Variants in B3GAT2 observed in about 807,000 individuals in gnomAD.
B3GAT2 encodes the protein beta-1,3-glucuronyltransferase 2.
In B3GAT2, 26 loss-of-function variants were observed where a neutral mutation model predicts 27.8. The ratio of observed to expected loss-of-function variants is 0.93; its 90% CI spans 0.68 to 1.30. The LOEUF (loss-of-function observed/expected upper bound fraction) is 1.30. Among genes scored for constraint, B3GAT2 ranks in the 50% most tolerant of loss-of-function variants. The pLI is 0.00. For synonymous variants in B3GAT2, 218 were observed against 195.1 expected (o/e 1.12, Z -0.98); for missense variants, 458 against 459.0 (o/e 1.00, Z 0.02).
chr6:70,880,869 T>C (rs1772089907), intron 2 of B3GAT2, among the ~76,000 whole-genome samples: 1 of 152,152 alleles, frequency 6.6e-6, no homozygotes, highest in South Asian at 2.1e-4. Context: ...TTTTACCATG[T>C]TGGCCAGGCT....
chr6:70,946,930 C>G (rs1226282320), intron 1 of B3GAT2, among the ~76,000 whole-genome samples: 2 of 152,162 alleles, frequency 1.3e-5, no homozygotes, highest in South Asian at 4.1e-4. Flanking sequence ...AAGAAACTTA[C>G]TCAAAACTGC....
chr6:70,880,566 T>C (rs1772085558), intron 2 of B3GAT2, among the ~76,000 whole-genome samples: 1 of 150,964 alleles, frequency 6.6e-6, no homozygotes, highest in Non-Finnish European at 1.5e-5. Flanking sequence ...GGCATGACTA[T>C]AGCCTCGAAT....
At position 70,894,208 on chromosome 6, in the gene B3GAT2, C is replaced by T. The variant is rs757375740; in HGVS notation, c.656G>A (p.Arg219His). 9.3e-6 allele frequency: 15 copies of T among 1,613,736 alleles called. No homozygotes were observed. The highest frequency in any genetic ancestry group is 1.3e-5 in the African/African-American group (1 of 74,922). Reference protein sequence around the residue: ...VGLVGGRRYERPLVENGKVVG... With the variant: ...VGLVGGRRYEHPLVENGKVVG... Reference sequence around the variant, plus strand: ...AACTTTGCCGTTTTCCACCAGCGGACGTTCGTAGCGCCGCCCACCAACCAG... The same window carrying T: ...AACTTTGCCGTTTTCCACCAGCGGATGTTCGTAGCGCCGCCCACCAACCAG... The change falls in exon 2 of 4, where the codon CGT becomes CAT. Residue 219 changes from arginine (R) to histidine (H), a missense_variant. Arg to His is a conservative substitution (Grantham distance 29). Coordinates refer to ENST00000230053, the MANE Select transcript of B3GAT2 (RefSeq NM_080742.3).
At chr6:70,894,084 A>C in intron 2 of B3GAT2, 44 bp downstream of exon 2, 2 of 1,516,784 alleles carry the variant, frequency 1.3e-6, no homozygotes, top group Non-Finnish European at 1.8e-6. Context: ...CAAGAGCATA[A>C]GAACAGTCCA....
chr6:70,857,066 C>T lies in B3GAT2; in HGVS notation c.*4597G>A, dbSNP rs998587608. 7.7e-6 allele frequency: 12 copies of T among 1,551,188 alleles called. No individual in the cohort carries two copies. Among genetic ancestry groups the T allele is most frequent in the African/African-American group, 4.1e-5 (3 of 73,188 alleles). ...TTGATATCTGCTTTCAGTGACATTA[C>T]TAGAAGTACATCCTTTGTAATTATA... On this transcript the variant is annotated 3_prime_UTR_variant, in exon 4 of 4. Coordinates refer to ENST00000230053, the MANE Select transcript of B3GAT2 (RefSeq NM_080742.3).
At chr6:70,943,397 C>T (rs532013101) in intron 1 of B3GAT2, among the ~76,000 whole-genome samples, 1 of 152,318 alleles carries the variant, frequency 6.6e-6, no homozygotes, top group African/African-American at 2.4e-5. Context: ...CCATCTCAGC[C>T]ACATTGGCTT....
In B3GAT2 at chr6:70,860,325, G is replaced by A. The variant is rs1232385652; in HGVS notation, c.*1338C>T. 1 of 1,606,212 alleles carries A rather than the reference G, an allele frequency of 6.2e-7. No homozygotes were observed. The highest frequency in any genetic ancestry group is 1.7e-5 in the Admixed American group (1 of 57,774). ...CAGGTCAGACTCTCAGCACACAACTGTGGAAATGAAAACTGCAATACAAGT... is the reference window on the plus strand; with the variant it reads ...CAGGTCAGACTCTCAGCACACAACTATGGAAATGAAAACTGCAATACAAGT... On this transcript the variant is annotated 3_prime_UTR_variant, in exon 4 of 4. Transcript: ENST00000230053.
intron 1 of B3GAT2, among the ~76,000 whole-genome samples, chr6:70,939,427 G>T (rs1765350362): frequency 6.6e-6 from 1 of 150,682 alleles, no homozygotes; most frequent in African/African-American, 2.5e-5. Flanking sequence ...AAATCATGCT[G>T]CTATAAAGAC....
chr6:70,935,324 T>A (rs1773126839), intron 1 of B3GAT2, among the ~76,000 whole-genome samples: 1 of 151,974 alleles, frequency 6.6e-6, no homozygotes, highest in African/African-American at 2.4e-5. Flanking sequence ...TATGGTGGCA[T>A]GTGCCTGTAG....
rs1350677261 is a variant in B3GAT2, at chr6:70,956,318, G to T, written c.112C>A (p.Pro38Thr). Residue 38 changes from proline to threonine, a missense_variant, in exon 1 of 4, where the codon CCC becomes ACC. Transcript: ENST00000230053. Reference protein sequence around the residue: ...RRPVPPLTPRPYFSPYAVGRG... With the variant: ...RRPVPPLTPRTYFSPYAVGRG... Reference sequence around the variant, plus strand: ...CCCACCGCGTAGGGAGAGAAGTAGGGGCGCGGGGTGAGCGGGGGCACTGGC... The same window carrying T: ...CCCACCGCGTAGGGAGAGAAGTAGGTGCGCGGGGTGAGCGGGGGCACTGGC... 1 of 1,590,146 alleles carries T rather than the reference G, an allele frequency of 6.3e-7. No homozygotes were observed. Among genetic ancestry groups the T allele is most frequent in the Non-Finnish European group, 8.6e-7 (1 of 1,167,822 alleles).
At position 70,956,800 on chromosome 6, in the gene B3GAT2, C is replaced by G; in HGVS notation, c.-371G>C. 9.2e-7 allele frequency: 1 copy of G among 1,081,100 alleles called. No individual in the cohort carries two copies. Among genetic ancestry groups the G allele is most frequent in the Non-Finnish European group, 1.1e-6 (1 of 891,094 alleles). The allele number at this position is 1,081,100 out of a possible 1,614,324, so 67.0% of individuals were successfully genotyped here. On this transcript the variant is annotated 5_prime_UTR_variant, in exon 1 of 4. Transcript: ENST00000230053. ...CTGAAGAGTGGAAGCCGAGAAGCGG[C>G]ACCCGGTGCGCCTCGCCGCTCCAGT...
chr6:70,935,400 G>C (rs1287742205), intron 1 of B3GAT2, among the ~76,000 whole-genome samples: 5 of 152,252 alleles, frequency 3.3e-5, no homozygotes, highest in Non-Finnish European at 7.4e-5. Context: ...GCTGCAGTAA[G>C]CTGTGATCGC....
At chr6:70,934,558 A>G (rs1773111803) in intron 1 of B3GAT2, among the ~76,000 whole-genome samples, 1 of 152,204 alleles carries the variant, frequency 6.6e-6, no homozygotes, top group South Asian at 2.1e-4. Context: ...CCTTTGGGGC[A>G]ACCAGAGGTT....
intron 2 of B3GAT2, among the ~76,000 whole-genome samples, chr6:70,884,619 T>C (rs901435268): frequency 3.9e-5 from 6 of 152,122 alleles, no homozygotes; most frequent in Non-Finnish European, 7.4e-5. Flanking sequence ...GAAAGGGGCA[T>C]CCACGTGTGA....
At chr6:70,865,248 T>C (rs1582337410) in intron 2 of B3GAT2, among the ~76,000 whole-genome samples, 1 of 152,210 alleles carries the variant, frequency 6.6e-6, no homozygotes, top group Middle Eastern at 3.4e-3. Flanking sequence ...TGCCTCAGCC[T>C]CCCGAGTAGC....
At position 70,860,785 on chromosome 6, in the gene B3GAT2, C is replaced by A; in HGVS notation, c.*878G>T. The stretch of plus-strand genomic sequence containing the variant: ...AATAGAATGTAAATGTCTCACTGAG[C>A]ACTGTTTTCTAGTGTATCAAAATGC... On this transcript the variant is annotated 3_prime_UTR_variant, in exon 4 of 4. Transcript: ENST00000230053. 1 of 399,072 alleles carries A rather than the reference C, an allele frequency of 2.5e-6. No individual in the cohort carries two copies. Among genetic ancestry groups the A allele is most frequent in the Admixed American group, 4.4e-5 (1 of 22,892 alleles). The allele number at this position is 399,072 out of a possible 1,614,324, so 24.7% of individuals were successfully genotyped here.
chr6:70,872,704 G>A (rs1465865324), intron 2 of B3GAT2, among the ~76,000 whole-genome samples: 1 of 151,660 alleles, frequency 6.6e-6, no homozygotes, highest in Admixed American at 6.6e-5. Flanking sequence ...CCAATAAATT[G>A]ATTTACATTT....
chr6:70,897,673 A>G (rs1772413502), intron 1 of B3GAT2, among the ~76,000 whole-genome samples: 1 of 24,392 alleles, frequency 4.1e-5, no homozygotes. Context: ...AAAAAAAAAT[A>G]TATATATATA....
Position 70,861,654 on chromosome 6 carries a change from T to C in B3GAT2, c.*9A>G. On this transcript the variant is annotated 3_prime_UTR_variant, in exon 4 of 4. Coordinates refer to ENST00000230053, the MANE Select transcript of B3GAT2 (RefSeq NM_080742.3). The stretch of plus-strand genomic sequence containing the variant: ...TGGCTGGACAAACTGCACCAGTTGC[T>C]GCTTCAATTTATACCTCAATTTTCA... 1 of 1,611,700 alleles carries C rather than the reference T, an allele frequency of 6.2e-7. No individual in the cohort carries two copies. Among genetic ancestry groups the C allele is most frequent in the Non-Finnish European group, 8.5e-7 (1 of 1,177,928 alleles).
Sources: gnomAD v4.1 joint callset for allele counts (sites outside exome capture counted in the v4.1 genomes callset) on GRCh38, gnomAD v4.1.1 for gene constraint, MANE v1.5 for transcripts, NCBI Gene and HGNC (gene_info 2026-07-23, HGNC 2026-07-21) for gene names.